The following AFG2A variants were observed in gnomAD, a reference collection of about 807,000 sequenced individuals.
The protein encoded by AFG2A is AAA ATPase AFG2A, also known as ATPase family gene 2 protein homolog A.
the AFG2A span, among the ~76,000 whole-genome samples, chr4:123,089,412 G>A: frequency 1.3e-5 from 2 of 151,956 alleles, no homozygotes; most frequent in Non-Finnish European, 2.9e-5. Flanking sequence ...TGTTTAATAC[G>A]CTTACAATGC....
the AFG2A span, among the ~76,000 whole-genome samples, chr4:123,214,317 G>T: frequency 2.0e-3 from 297 of 152,168 alleles, 6 homozygotes; most frequent in South Asian, 0.031. Flanking sequence ...TGGGACAATA[G>T]TAACACAAAT....
At chr4:123,198,130 A>G in the AFG2A span, among the ~76,000 whole-genome samples, 2 of 151,878 alleles carry the variant, frequency 1.3e-5, no homozygotes, top group African/African-American at 4.8e-5. Context: ...TTAGCTGGGC[A>G]TGGTGGTGGG....
chr4:123,118,988 G>A, the AFG2A span, among the ~76,000 whole-genome samples: 2 of 152,008 alleles, frequency 1.3e-5, no homozygotes, highest in African/African-American at 4.8e-5. Context: ...TAATTTTAGT[G>A]TTTGGCATCT....
chr4:123,100,708 A>G, the AFG2A span, among the ~76,000 whole-genome samples: 1 of 151,998 alleles, frequency 6.6e-6, no homozygotes, highest in South Asian at 2.1e-4. Flanking sequence ...AGTCATCAGG[A>G]ACAACAACAA....
At chr4:123,003,302 A>T in the AFG2A span, among the ~76,000 whole-genome samples, 5 of 152,172 alleles carry the variant, frequency 3.3e-5, no homozygotes, top group East Asian at 1.9e-4. Context: ...TCTTCTCTCA[A>T]CTCGTCAAAG....
the AFG2A span, among the ~76,000 whole-genome samples, chr4:123,207,944 A>G: frequency 2.0e-4 from 30 of 152,174 alleles, no homozygotes; most frequent in Non-Finnish European, 3.2e-4. Context: ...TCAAACCCAT[A>G]TGGAATGCAA....
chr4:123,111,732 CTTATTA>C, the AFG2A span, among the ~76,000 whole-genome samples: 15 of 149,772 alleles, frequency 1.0e-4, no homozygotes, highest in African/African-American at 3.4e-4. Flanking sequence ...TCTTCTTCTT[CTTATTA>C]TTATTATTAT....
the AFG2A span, among the ~76,000 whole-genome samples, chr4:123,154,165 C>T: frequency 1.1e-4 from 16 of 151,616 alleles, no homozygotes; most frequent in South Asian, 3.1e-3. Flanking sequence ...TAGATGGAAG[C>T]TTGAAAGAAA....
At chr4:123,051,408 A>G in the AFG2A span, among the ~76,000 whole-genome samples, 1 of 152,110 alleles carries the variant, frequency 6.6e-6, no homozygotes, top group Non-Finnish European at 1.5e-5. Context: ...CTCCTCCAAC[A>G]TTTTGAATTT....
the AFG2A span, among the ~76,000 whole-genome samples, chr4:123,286,350 T>C: frequency 2.6e-5 from 4 of 152,344 alleles, no homozygotes; most frequent in African/African-American, 4.8e-5. Context: ...TAATGACTTA[T>C]ATATTTAGAT....
At chr4:122,940,930 G>C in the AFG2A span, among the ~76,000 whole-genome samples, 2 of 151,282 alleles carry the variant, frequency 1.3e-5, no homozygotes, top group East Asian at 3.9e-4. Context: ...TTTGTCCAAA[G>C]ATCAGATAGT....
chr4:123,198,310 G>A, the AFG2A span, among the ~76,000 whole-genome samples: 1 of 151,592 alleles, frequency 6.6e-6, no homozygotes, highest in African/African-American at 2.4e-5. Context: ...CACCGAGCAT[G>A]TAGCTGCCCA....
At chr4:123,284,420 A>G in the AFG2A span, among the ~76,000 whole-genome samples, 1 of 152,232 alleles carries the variant, frequency 6.6e-6, no homozygotes, top group Non-Finnish European at 1.5e-5. Flanking sequence ...TGATTTATAC[A>G]TTATTTAATT....
chr4:122,995,296 T>C, the AFG2A span, among the ~76,000 whole-genome samples: 6 of 152,108 alleles, frequency 3.9e-5, no homozygotes. Flanking sequence ...TTGGCAGGGC[T>C]TTTAAATTTG....
chr4:123,053,949 C>A, the AFG2A span, among the ~76,000 whole-genome samples: 1 of 152,070 alleles, frequency 6.6e-6, no homozygotes, highest in Non-Finnish European at 1.5e-5. Context: ...GTGAATCTCC[C>A]CCTGGTTTCT....
the AFG2A span, among the ~76,000 whole-genome samples, chr4:123,160,652 G>A: frequency 1.6e-5 from 2 of 125,090 alleles, no homozygotes; most frequent in African/African-American, 2.8e-5. Context: ...CAGACCTTCC[G>A]ACCACCTCCA....
chr4:123,154,749 T>C, the AFG2A span, among the ~76,000 whole-genome samples: 3 of 152,124 alleles, frequency 2.0e-5, no homozygotes, highest in South Asian at 6.2e-4. Context: ...GAAAAAAATA[T>C]ATTAAGAGAA....
At chr4:122,957,862 T>C in the AFG2A span, among the ~76,000 whole-genome samples, 1 of 152,220 alleles carries the variant, frequency 6.6e-6, no homozygotes, top group South Asian at 2.1e-4. Context: ...GGTAATATCT[T>C]AATATTTGGA....
At chr4:123,227,763 C>G in the AFG2A span, among the ~76,000 whole-genome samples, 1 of 152,026 alleles carries the variant, frequency 6.6e-6, no homozygotes, top group Non-Finnish European at 1.5e-5. Flanking sequence ...TCCTGGGTAT[C>G]CTTGTTAACT....
Sources: gnomAD v4.1 joint callset for allele counts (sites outside exome capture counted in the v4.1 genomes callset) on GRCh38, gnomAD v4.1.1 for gene constraint, MANE v1.5 for transcripts, NCBI Gene and HGNC (gene_info 2026-07-23, HGNC 2026-07-21) for gene names.